COL19A1: variants seen among roughly 807,000 people sequenced by gnomAD.
The protein encoded by COL19A1 is collagen type XIX alpha 1 chain.
A neutral mutation model predicts 190.2 loss-of-function variants in COL19A1; 159 were observed. That is an observed-to-expected ratio of 0.84 (90% CI 0.73 to 0.95). COL19A1 has a LOEUF of 0.95. Among genes scored for constraint, COL19A1 ranks in the 40% least tolerant of loss-of-function variants. The probability of loss-of-function intolerance (pLI) is 0.00; values close to 1 mark genes in which losing one functional copy is unlikely to be tolerated. For missense variants in COL19A1, 1,418 were observed against 1,431.9 expected, an observed-to-expected ratio of 0.99 and a Z score of 0.16; for synonymous variants, 509 against 458.9, an observed-to-expected ratio of 1.11 and a Z score of -1.39.
chr6:70,176,700 T>C (rs1437401741), intron 42 of COL19A1, 136 bp downstream of exon 42: 6 of 616,072 alleles, frequency 9.7e-6, no homozygotes, highest in Non-Finnish European at 1.5e-5. Context: ...AATTCTAGTT[T>C]CATAAATAAT....
intron 14 of COL19A1, among the ~76,000 whole-genome samples, chr6:70,060,566 A>G (rs1562130371): frequency 6.6e-6 from 1 of 152,026 alleles, no homozygotes; most frequent in African/African-American, 2.4e-5. Context: ...AGATTCTCAT[A>G]AGAGCATGAA....
intron 14 of COL19A1, among the ~76,000 whole-genome samples, chr6:70,060,434 C>T (rs572039423): frequency 9.2e-5 from 14 of 152,210 alleles, no homozygotes; most frequent in African/African-American, 1.7e-4. Flanking sequence ...TGTTAGGAAC[C>T]GGACCACATA....
intron 31 of COL19A1, among the ~76,000 whole-genome samples, chr6:70,151,707 A>G (rs1787067643): frequency 6.6e-6 from 1 of 152,080 alleles, no homozygotes; most frequent in African/African-American, 2.4e-5. Flanking sequence ...TGAATTGGCT[A>G]CAGGGAAGGA....
At position 70,080,473 on chromosome 6, in the gene COL19A1, G is replaced by C. The variant is rs560403464; in HGVS notation, c.1224+11997G>C. 1.1e-4 allele frequency among the ~76,000 whole-genome samples: 16 copies of C among 152,290 alleles called. No individual in the cohort carries two copies. The East Asian group carries it at 2.5e-3, about 24-fold the overall frequency. ...CTTTTATCTAAGACTCCTTTCCTTTGTAAATTACCAGTGGTATCTTACAAG... is the reference window on the plus strand; with the variant it reads ...CTTTTATCTAAGACTCCTTTCCTTTCTAAATTACCAGTGGTATCTTACAAG... On this transcript the variant is annotated intron_variant, in intron 15 of 50. Transcript: ENST00000620364.
intron 4 of COL19A1, among the ~76,000 whole-genome samples, chr6:69,917,785 C>T (rs1173536262): frequency 2.0e-5 from 3 of 152,040 alleles, no homozygotes; most frequent in Admixed American, 6.5e-5. Context: ...TGTCTTGGAC[C>T]ACACATGAAA....
chr6:69,909,128 A>T (rs898662990), intron 4 of COL19A1, among the ~76,000 whole-genome samples: 1 of 152,198 alleles, frequency 6.6e-6, no homozygotes, highest in African/African-American at 2.4e-5. Context: ...AAATGGAATG[A>T]AAGTGAGAAG....
At chr6:69,889,455 T>C (rs570908445) in intron 2 of COL19A1, among the ~76,000 whole-genome samples, 46 of 152,324 alleles carry the variant, frequency 3.0e-4, no homozygotes, top group African/African-American at 1.0e-3. Flanking sequence ...CAACTGGACT[T>C]CCTGGGTCAA....
chr6:69,958,493 G>A (rs1210148369), intron 9 of COL19A1, among the ~76,000 whole-genome samples: 1 of 152,188 alleles, frequency 6.6e-6, no homozygotes, highest in Non-Finnish European at 1.5e-5. Flanking sequence ...GATATTGGAA[G>A]TTTCTAATAG....
In COL19A1 at chr6:70,189,377, G is replaced by A. The variant is rs151029793; in HGVS notation, c.3028-938G>A. On this transcript the variant is annotated intron_variant, in intron 47 of 50. Transcript: ENST00000620364. Reference sequence around the variant, plus strand: ...AATTCACATTGCATGGTGATTTTCCGTAGAGCTTCCAACTCTCTCATCTGA... The same window carrying A: ...AATTCACATTGCATGGTGATTTTCCATAGAGCTTCCAACTCTCTCATCTGA... Among the ~76,000 whole-genome samples, 378 of 152,200 alleles carry A rather than the reference G, an allele frequency of 2.5e-3. 2 individuals are homozygous for A. The highest frequency in any genetic ancestry group is 8.5e-3 in the African/African-American group (351 of 41,524).
chr6:70,112,444 G>A (rs575659216), intron 16 of COL19A1, among the ~76,000 whole-genome samples: 8 of 152,176 alleles, frequency 5.3e-5, no homozygotes, highest in African/African-American at 1.9e-4. Context: ...GGAGAGATGA[G>A]TATGAAACAT....
intron 1 of COL19A1, among the ~76,000 whole-genome samples, chr6:69,874,091 A>C (rs1767991314): frequency 6.6e-6 from 1 of 152,216 alleles, no homozygotes; most frequent in Non-Finnish European, 1.5e-5. Flanking sequence ...AGTTTTGATG[A>C]GCAAGGAGGT....
Position 69,936,837 on chromosome 6 carries a change from A to C in COL19A1, c.800A>C (p.His267Pro), listed in dbSNP as rs779111780. 6.2e-7 allele frequency: 1 copy of C among 1,613,088 alleles called. No homozygotes were observed. Among genetic ancestry groups the C allele is most frequent in the African/African-American group, 1.3e-5 (1 of 74,864 alleles). The change falls in exon 8 of 51, where the codon CAT becomes CCT. Residue 267 changes from histidine (H) to proline (P), a missense_variant. By Grantham distance (77) the His-to-Pro change is moderately conservative (BLOSUM62 -2). Transcript: ENST00000620364. Reference sequence around the variant, plus strand: ...ATTGCATCATCATGGGTAACTGCTCATGCCAGTAAAATGTCTTCATATCTG... The same window carrying C: ...ATTGCATCATCATGGGTAACTGCTCCTGCCAGTAAAATGTCTTCATATCTG... ...GNIASSWVTA[H>P]ASKMSSYLPA...
chr6:70,088,856 CATTT>C lies in COL19A1; in HGVS notation c.1225-13312_1225-13309del, dbSNP rs879406512. On this transcript the variant is annotated intron_variant, in intron 15 of 50. Coordinates refer to ENST00000620364, the MANE Select transcript of COL19A1 (RefSeq NM_001858.6). ...CAAGACTGTCTTTATTTTTCCCATT[CATTT>C]GTGTTCCTAAGTGGCAGTTGATTTC... is the stretch of plus-strand genomic sequence containing the variant. Among the ~76,000 whole-genome samples, 26 of 152,226 alleles carry C rather than the reference CATTT, an allele frequency of 1.7e-4. No homozygotes were observed. The South Asian group carries it at 2.9e-3, about 17-fold the overall frequency.
chr6:70,156,123 T>C lies in COL19A1; in HGVS notation c.2080-4T>C. ...CTCAGTAACCTTATCTTTATACTCATTAGAATTTCTGTGGCAACTGCCAAG... is the reference window on the plus strand; with the variant it reads ...CTCAGTAACCTTATCTTTATACTCACTAGAATTTCTGTGGCAACTGCCAAG... On this transcript the variant is annotated splice_polypyrimidine_tract_variant and splice_region_variant and intron_variant, in intron 31 of 50. Coordinates refer to ENST00000620364, the MANE Select transcript of COL19A1 (RefSeq NM_001858.6). The C allele has an allele frequency of 6.2e-7, 1 of 1,612,228 alleles. No homozygotes were observed. The highest frequency in any genetic ancestry group is 8.5e-7 in the Non-Finnish European group (1 of 1,179,050).
chr6:69,955,168 G>A (rs962039358), intron 9 of COL19A1, among the ~76,000 whole-genome samples: 1 of 152,058 alleles, frequency 6.6e-6, no homozygotes, highest in African/African-American at 2.4e-5. Context: ...CCAAACATTT[G>A]TGCCTGACAC....
At chr6:70,119,608 C>G (rs1784766533) in intron 16 of COL19A1, among the ~76,000 whole-genome samples, 1 of 152,046 alleles carries the variant, frequency 6.6e-6, no homozygotes, top group Admixed American at 6.6e-5. Context: ...GGCTTTGGGC[C>G]CAATGCTAAT....
chr6:70,145,961 T>C (rs574927564), intron 25 of COL19A1, among the ~76,000 whole-genome samples: 2 of 152,218 alleles, frequency 1.3e-5, no homozygotes, highest in South Asian at 2.1e-4. Context: ...GCTCAAGTGA[T>C]CTACCCATCT....
Position 70,004,281 on chromosome 6 carries a change from C to G in COL19A1, c.1027-19346C>G, listed in dbSNP as rs72914580. Among the ~76,000 whole-genome samples the G allele has an allele frequency of 4.9e-4, 74 of 152,098 alleles. 1 individual carries two copies. Among genetic ancestry groups the G allele is most frequent in the Non-Finnish European group, 7.9e-4 (54 of 68,000 alleles). ...GGCTTCCCTGCATAGGTGACCTGGC[C>G]TTCTCTCTGGCTACCCTTAATATTT... On this transcript the variant is annotated intron_variant, in intron 11 of 50. Coordinates refer to ENST00000620364, the MANE Select transcript of COL19A1 (RefSeq NM_001858.6).
chr6:70,100,565 C>CAAAT (rs1783568724), intron 15 of COL19A1, among the ~76,000 whole-genome samples: 13 of 128,252 alleles, frequency 1.0e-4, no homozygotes, highest in Admixed American at 2.7e-4. Flanking sequence ...GACAGAGTCT[C>CAAAT]TGTCTCCCAG....
Sources: gnomAD v4.1 joint callset for allele counts (sites outside exome capture counted in the v4.1 genomes callset) on GRCh38, gnomAD v4.1.1 for gene constraint, MANE v1.5 for transcripts, NCBI Gene and HGNC (gene_info 2026-07-23, HGNC 2026-07-21) for gene names.